NFYC: variants seen among roughly 807,000 people sequenced by gnomAD.
NFYC encodes CAAT box DNA-binding protein subunit C.
In NFYC, 25 loss-of-function variants were observed where a neutral mutation model predicts 53.1. The ratio of observed to expected loss-of-function variants is 0.47; its 90% confidence interval spans 0.34 to 0.66. The LOEUF (loss-of-function observed/expected upper bound fraction) is 0.66, where lower values mean the gene tolerates loss of function less well. Among genes scored for constraint, NFYC ranks in the 30% least tolerant of loss-of-function variants. The pLI, the probability that NFYC is intolerant of heterozygous loss-of-function variation, is 0.01. For missense variants in NFYC, 260 were observed against 422.7 expected, an observed-to-expected ratio of 0.62 and a Z score of 3.38; for synonymous variants, 145 against 152.6, an observed-to-expected ratio of 0.95 and a Z score of 0.37.
chr1:40,700,261 T>C (rs769163090), intron 1 of NFYC, among the ~76,000 whole-genome samples: 1 of 152,216 alleles, frequency 6.6e-6, no homozygotes, highest in Non-Finnish European at 1.5e-5. Context: ...ATGCTTTTTA[T>C]CAAGCACAGT....
Position 40,694,412 on chromosome 1 carries a change from G to A in NFYC, c.-9+2545G>A, listed in dbSNP as rs145858242. ...GGAAATCTTAATTGCTTTATGTCTT[G>A]ATGTGCTTAGGTGAAGCCCTCCCTC... On this transcript the variant is annotated intron_variant, in intron 1 of 9. Coordinates refer to ENST00000447388, the MANE Select transcript of NFYC (RefSeq NM_014223.5). Among the ~76,000 whole-genome samples the A allele has an allele frequency of 5.4e-4, 82 of 152,320 alleles. 1 individual carries two copies. Among genetic ancestry groups the A allele is most frequent in the African/African-American group, 1.9e-3 (78 of 41,568 alleles).
intron 9 of NFYC, among the ~76,000 whole-genome samples, chr1:40,769,688 A>T (rs1646988758): frequency 2.0e-5 from 3 of 152,150 alleles, no homozygotes; most frequent in Admixed American, 2.0e-4. Flanking sequence ...TGCCTTGTCC[A>T]TGCTCCCCTA....
intron 1 of NFYC, among the ~76,000 whole-genome samples, chr1:40,724,377 G>GAATA (rs1426256241): frequency 1.3e-4 from 20 of 152,042 alleles, no homozygotes; most frequent in African/African-American, 4.3e-4. Flanking sequence ...AAAAGTAAAT[G>GAATA]AATAAATAAA....
chr1:40,743,619 C>T (rs1645462531), intron 2 of NFYC, among the ~76,000 whole-genome samples: 1 of 152,226 alleles, frequency 6.6e-6, no homozygotes, highest in Admixed American at 6.5e-5. Flanking sequence ...TTCCTCAGTG[C>T]CTCCTGATTG....
intron 1 of NFYC, 176 bp downstream of exon 1, chr1:40,692,043 C>T (rs1181772661): frequency 1.0e-5 from 2 of 200,634 alleles, no homozygotes; most frequent in South Asian, 4.6e-5. Flanking sequence ...GCTGTCGCCG[C>T]CGCCGCGCTC....
intron 1 of NFYC, among the ~76,000 whole-genome samples, chr1:40,697,746 C>A (rs1307068506): frequency 2.0e-5 from 3 of 152,150 alleles, no homozygotes; most frequent in Non-Finnish European, 2.9e-5. Flanking sequence ...AGCAGTTAGA[C>A]AGTATTGTGG....
intron 1 of NFYC, among the ~76,000 whole-genome samples, chr1:40,707,685 G>C (rs1557747348): frequency 6.7e-6 from 1 of 149,750 alleles, no homozygotes; most frequent in Non-Finnish European, 1.5e-5. Context: ...GAAAGAAATA[G>C]AAAAATTAGC....
At chr1:40,763,528 G>T (rs1439930277) in intron 7 of NFYC, 1 of 397,350 alleles carries the variant, frequency 2.5e-6, no homozygotes, top group Non-Finnish European at 5.0e-6. Context: ...TGTATTTTTA[G>T]TAGAGATGGG....
intron 2 of NFYC, among the ~76,000 whole-genome samples, chr1:40,744,824 A>C (rs968333728): frequency 3.9e-5 from 6 of 152,218 alleles, no homozygotes; most frequent in Non-Finnish European, 8.8e-5. Flanking sequence ...GCATGAATCC[A>C]AGTTTCGTGG....
chr1:40,769,131 A>G, intron 8 of NFYC: 1 of 529,118 alleles, frequency 1.9e-6, no homozygotes. Context: ...GGAACTATCT[A>G]TTATGTGCTC....
At chr1:40,707,849 C>CAA (rs56325253) in intron 1 of NFYC, among the ~76,000 whole-genome samples, 14,235 of 99,160 alleles carry the variant, frequency 0.14, 911 homozygotes, top group African/African-American at 0.18. Flanking sequence ...GACCCTATCT[C>CAA]AAAAAAAAAA....
At chr1:40,754,297 G>A (rs1646084679) in intron 5 of NFYC, 1 of 533,796 alleles carries the variant, frequency 1.9e-6, no homozygotes, top group Admixed American at 1.9e-5. Context: ...GGATTAGCAA[G>A]CCCTCTGTCA....
chr1:40,730,533 G>A (rs866380104), intron 1 of NFYC: 10 of 984,324 alleles, frequency 1.0e-5, no homozygotes, highest in Admixed American at 1.2e-4. Flanking sequence ...ACAAGGTATA[G>A]TTGTAAAAAG....
At chr1:40,718,832 G>A (rs1473710711) in intron 1 of NFYC, among the ~76,000 whole-genome samples, 1 of 152,154 alleles carries the variant, frequency 6.6e-6, no homozygotes, top group Admixed American at 6.5e-5. Flanking sequence ...CATAGAGATC[G>A]ATATTTTTAG....
At position 40,747,916 on chromosome 1, in the gene NFYC, A is replaced by G. The variant is rs1015332246; in HGVS notation, c.177+311A>G. Among the ~76,000 whole-genome samples the G allele has an allele frequency of 4.4e-4, 66 of 151,444 alleles. 3 individuals carry two copies. Among genetic ancestry groups the G allele is most frequent in the Middle Eastern group, 3.2e-3 (1 of 316 alleles). ...AGTGGTGCGAGCTTAGCTCACTGCAACCTCTGCCTCCCAGGTTCAGGCAAT... is the reference window on the plus strand; with the variant it reads ...AGTGGTGCGAGCTTAGCTCACTGCAGCCTCTGCCTCCCAGGTTCAGGCAAT... On this transcript the variant is annotated intron_variant, in intron 3 of 9. Transcript: ENST00000447388.
At chr1:40,752,328 T>A (rs1645962309) in intron 4 of NFYC, among the ~76,000 whole-genome samples, 1 of 152,242 alleles carries the variant, frequency 6.6e-6, no homozygotes, top group South Asian at 2.1e-4. Context: ...CGTTCAGTGT[T>A]TTTTCATATT....
At chr1:40,747,432 C>T (rs1001008250) in intron 2 of NFYC, 102 bp from the exon 3 acceptor site, 2 of 759,448 alleles carry the variant, frequency 2.6e-6, no homozygotes, top group Non-Finnish European at 4.6e-6. Context: ...CATACGCTTC[C>T]TGAAGAGAGG....
intron 1 of NFYC, chr1:40,709,759 A>G (rs1643875705): frequency 6.6e-6 from 1 of 152,170 alleles, no homozygotes; most frequent in South Asian, 2.1e-4. Context: ...TGCTGTGTTT[A>G]GATTTTGCAT....
chr1:40,702,578 G>A (rs1440635147), intron 1 of NFYC, among the ~76,000 whole-genome samples: 4 of 152,048 alleles, frequency 2.6e-5, no homozygotes, highest in Admixed American at 6.6e-5. Flanking sequence ...CCCTGACCTC[G>A]TGATCTACCT....
Sources: gnomAD v4.1 joint callset for allele counts (sites outside exome capture counted in the v4.1 genomes callset) on GRCh38, gnomAD v4.1.1 for gene constraint, MANE v1.5 for transcripts, NCBI Gene and HGNC (gene_info 2026-07-23, HGNC 2026-07-21) for gene names.